CYP4A22: variants seen among roughly 807,000 people sequenced by gnomAD.
The protein encoded by CYP4A22 is cytochrome P450 4A22.
CYP4A22 carries 46 observed loss-of-function variants against 56.2 expected under a neutral mutation model. That is an observed-to-expected ratio of 0.82 (90% CI 0.65 to 1.05). The LOEUF (loss-of-function observed/expected upper bound fraction) is 1.05, where lower values mean the gene tolerates loss of function less well. Among genes scored for constraint, CYP4A22 ranks in the 50% least tolerant of loss-of-function variants. The pLI is 0.00. For synonymous variants in CYP4A22, 193 were observed against 251.1 expected (o/e 0.77, Z 2.19); for missense variants, 541 against 645.9 (o/e 0.84, Z 1.76).
At chr1:47,147,225 G>C in intron 11 of CYP4A22, 2 of 985,450 alleles carry the variant, frequency 2.0e-6, no homozygotes, top group Non-Finnish European at 1.2e-6. Context: ...GTCTATCCCA[G>C]CATGAGGAAG....
intron 4 of CYP4A22, among the ~76,000 whole-genome samples, chr1:47,142,505 C>T (rs1227256459): frequency 6.6e-6 from 1 of 152,226 alleles, no homozygotes; most frequent in Non-Finnish European, 1.5e-5. Flanking sequence ...TTTGGAACCT[C>T]AGCACAAGGG....
chr1:47,147,820 G>A (rs116504102), intron 11 of CYP4A22, among the ~76,000 whole-genome samples: 2,840 of 152,284 alleles, frequency 0.019, 48 homozygotes, highest in Non-Finnish European at 0.025. Flanking sequence ...CTTGTCTGCC[G>A]GCTGAGGCAT....
In CYP4A22 at chr1:47,148,801, C is replaced by T. The variant is rs751186069; in HGVS notation, c.*4C>T. Reference sequence around the variant, plus strand: ...TGAAGACAAGGACCAGCTTTGAGGGCCTCCACCTGCCATCCTGTCTTCCTG... The same window carrying T: ...TGAAGACAAGGACCAGCTTTGAGGGTCTCCACCTGCCATCCTGTCTTCCTG... On this transcript the variant is annotated 3_prime_UTR_variant, in exon 12 of 12. Transcript: ENST00000371891. The T allele has an allele frequency of 6.9e-6, 11 of 1,592,324 alleles. No individual in the cohort carries two copies. Among genetic ancestry groups the T allele is most frequent in the Admixed American group, 5.1e-5 (3 of 58,672 alleles).
chr1:47,144,643 T>C lies in CYP4A22; in HGVS notation c.991T>C (p.Ser331Pro), dbSNP rs763189351. ...EGHDTTASGISWILYALATHP... is the reference protein window; with the variant it reads ...EGHDTTASGIPWILYALATHP... ...CCACGACACCACAGCCAGTGGGATC[T>C]CCTGGATCCTCTATGCTCTGGCCAC... is the stretch of plus-strand genomic sequence containing the variant. The change falls in exon 8 of 12, where the codon TCC becomes CCC. Residue 331 changes from serine to proline, a missense_variant. Coordinates refer to ENST00000371891, the MANE Select transcript of CYP4A22 (RefSeq NM_001010969.4). The C allele has an allele frequency of 8.1e-6, 13 of 1,613,714 alleles. No individual in the cohort carries two copies.
intron 11 of CYP4A22, chr1:47,147,332 T>C: frequency 1.0e-6 from 1 of 985,278 alleles, no homozygotes; most frequent in Non-Finnish European, 1.2e-6. Context: ...TATTTTACTC[T>C]CAGTGTATTT....
chr1:47,144,045 C>T (rs1344619917), intron 6 of CYP4A22, 129 bp downstream of exon 6: 107 of 1,469,720 alleles, frequency 7.3e-5, no homozygotes, highest in Non-Finnish European at 9.1e-5. Flanking sequence ...GGGGAATTCC[C>T]TTGCTCAGGG....
rs536716729 is a variant in CYP4A22, at chr1:47,141,778, T to G, written c.382+163T>G. Among the ~76,000 whole-genome samples, 155 of 152,310 alleles carry G rather than the reference T, an allele frequency of 1.0e-3. 3 individuals carry two copies. In the South Asian group the frequency reaches 0.031, roughly 30 times the overall value. ...CAAGACCCTCACCCCTTCCTAATGC[T>G]GGTGCAAACCTTCCTGAGGCTCAGC... On this transcript the variant is annotated intron_variant, in intron 3 of 11. Transcript: ENST00000371891.
At chr1:47,139,180 C>A (rs1644979483) in intron 1 of CYP4A22, among the ~76,000 whole-genome samples, 1 of 152,240 alleles carries the variant, frequency 6.6e-6, no homozygotes, top group Non-Finnish European at 1.5e-5. Context: ...TCACTCATAT[C>A]TATCGGTCAA....
chr1:47,138,621 T>C, intron 1 of CYP4A22, among the ~76,000 whole-genome samples: 1 of 152,256 alleles, frequency 6.6e-6, no homozygotes, highest in East Asian at 1.9e-4. Context: ...CATTATGAGA[T>C]TATTTTGCAA....
In CYP4A22 at chr1:47,149,674, G is replaced by C. The variant is rs989553654; in HGVS notation, c.*877G>C. 6 of 152,178 alleles carry C rather than the reference G, an allele frequency of 3.9e-5. No individual in the cohort carries two copies. Among genetic ancestry groups the C allele is most frequent in the Admixed American group, 3.9e-4 (6 of 15,282 alleles). 9.4% of individuals were successfully genotyped at this position (152,178 alleles called of 1,614,324 possible). A position where few individuals can be genotyped will look rare whatever the true frequency, so the allele number is the denominator to read the frequency against. ...CCTGTCTCCTTCTTCCTGCCTGCTT[G>C]TCTGTTCCTATATTAGTTTCCTATT... is the stretch of plus-strand genomic sequence containing the variant. On this transcript the variant is annotated 3_prime_UTR_variant, in exon 12 of 12. Transcript: ENST00000371891.
chr1:47,142,056 G>C, intron 3 of CYP4A22, 52 bp from the exon 4 acceptor site: 1 of 1,567,958 alleles, frequency 6.4e-7, no homozygotes, highest in South Asian at 1.2e-5. Context: ...GTCATCCCTA[G>C]GTCCGTGCAG....
chr1:47,139,790 A>G (rs1002035652), intron 1 of CYP4A22, among the ~76,000 whole-genome samples: 1 of 152,244 alleles, frequency 6.6e-6, no homozygotes, highest in Non-Finnish European at 1.5e-5. Context: ...AGAGTTGGCT[A>G]CATGGAACAT....
chr1:47,140,572 C>T (rs1371416510), intron 1 of CYP4A22, among the ~76,000 whole-genome samples: 2 of 152,150 alleles, frequency 1.3e-5, no homozygotes, highest in African/African-American at 2.4e-5. Context: ...TAAATTTCTG[C>T]TGGCAGCATT....
chr1:47,146,948 C>T (rs1645082428), intron 11 of CYP4A22: 1 of 985,268 alleles, frequency 1.0e-6, no homozygotes, highest in Non-Finnish European at 1.2e-6. Flanking sequence ...ATATAACGCA[C>T]AACATTTGAA....
At chr1:47,146,253 G>T in intron 11 of CYP4A22, 100 bp downstream of exon 11, 1 of 1,602,630 alleles carries the variant, frequency 6.2e-7, no homozygotes, top group Non-Finnish European at 8.5e-7. Context: ...GGCATCTTCA[G>T]GTGTGCTCTT....
At chr1:47,140,723 C>T in intron 1 of CYP4A22, 57 bp from the exon 2 acceptor site, 1 of 1,600,812 alleles carries the variant, frequency 6.2e-7, no homozygotes, top group Non-Finnish European at 8.5e-7. Flanking sequence ...GCCCTTCACT[C>T]CTGCTGCAAA....
chr1:47,148,659 C>A lies in CYP4A22; in HGVS notation c.1422C>A (p.Thr474=). The change falls in exon 12 of 12, where the codon ACC becomes ACA. Residue 474 remains threonine, a synonymous_variant. Transcript: ENST00000371891. ...MNQLKVARAL[T]LLRFELLPDP... ...AGCTGAAGGTGGCCAGGGCCCTGAC[C>A]CTGCTCCGCTTTGAGCTGCTGCCTG... 2 of 1,614,066 alleles carry A rather than the reference C, an allele frequency of 1.2e-6. No homozygotes were observed. The highest frequency in any genetic ancestry group is 1.7e-6 in the Non-Finnish European group (2 of 1,179,942).
At position 47,146,154 on chromosome 1, in the gene CYP4A22, G is replaced by T. The variant is rs896024658; in HGVS notation, c.1364+1G>T. On this transcript the variant is annotated splice_donor_variant, in intron 11 of 11. Transcript: ENST00000371891. LOFTEE classifies it high-confidence loss of function. The stretch of plus-strand genomic sequence containing the variant: ...TCCTGCCCTTCTCAGGAGGATCAAG[G>T]TGAGACGTCCTGTGTGGTAATTGGA... The T allele has an allele frequency of 1.2e-6, 2 of 1,614,200 alleles. No homozygotes were observed. Among genetic ancestry groups the T allele is most frequent in the African/African-American group, 2.7e-5 (2 of 75,040 alleles).
At position 47,143,787 on chromosome 1, in the gene CYP4A22, A is replaced by T. The variant is rs369774561; in HGVS notation, c.661A>T (p.Ile221Phe). The change falls in exon 6 of 12, where the codon ATT becomes TTT. Residue 221 changes from isoleucine to phenylalanine, a missense_variant. Ile to Phe is a conservative substitution (Grantham distance 21). This residue lies in a region of CYP4A22 where 335 missense variants were observed against 361.2 expected (regional missense o/e 0.93). Coordinates refer to ENST00000371891, the MANE Select transcript of CYP4A22 (RefSeq NM_001010969.4). The stretch of plus-strand genomic sequence containing the variant: ...GAATTCTCAGTCCTACATCCAGGCC[A>T]TTAGTGACCTGAACAGCCTGGTTTT... ...DRNSQSYIQA[I>F]SDLNSLVFCC... The T allele has an allele frequency of 1.2e-6, 2 of 1,613,450 alleles. No homozygotes were observed. The highest frequency in any genetic ancestry group is 1.7e-6 in the Non-Finnish European group (2 of 1,179,560).
Sources: allele counts gnomAD v4.1 joint callset (sites outside exome capture counted in the v4.1 genomes callset), GRCh38; gene constraint gnomAD v4.1.1; regional missense constraint gnomAD v4.1.1; transcripts MANE v1.5; gene names NCBI Gene and HGNC (gene_info 2026-07-23, HGNC 2026-07-21).